The following LRRK1 variants were observed in gnomAD, a reference collection of about 807,000 sequenced individuals.
LRRK1 encodes leucine-rich repeat serine/threonine-protein kinase 1.
A neutral mutation model predicts 209.1 loss-of-function variants in LRRK1; 113 were observed. The ratio of observed to expected loss-of-function variants is 0.54; its 90% confidence interval spans 0.46 to 0.63. The LOEUF (loss-of-function observed/expected upper bound fraction) is 0.63. LRRK1 is among the 30% of genes least tolerant of loss of function. LRRK1 has a pLI of 0.00. For missense variants in LRRK1, 2,284 were observed against 2,632.2 expected, an observed-to-expected ratio of 0.87 and a Z score of 2.89; for synonymous variants, 1,144 against 1,099.7, an observed-to-expected ratio of 1.04 and a Z score of -0.80.
chr15:101,042,468 T>C (rs2034812222), intron 20 of LRRK1, among the ~76,000 whole-genome samples: 1 of 152,134 alleles, frequency 6.6e-6, no homozygotes, highest in South Asian at 2.1e-4. Flanking sequence ...CCTGCTCTGC[T>C]GCAGCCCAGG....
chr15:100,988,860 C>T (rs77671020), intron 5 of LRRK1, 47 bp downstream of exon 5: 1 of 1,469,456 alleles, frequency 6.8e-7, no homozygotes, highest in African/African-American at 1.4e-5. Context: ...TGCAAACCAT[C>T]TCAGCCTCCA....
intron 2 of LRRK1, among the ~76,000 whole-genome samples, chr15:100,941,430 G>GTCTC (rs2042424225): frequency 8.2e-6 from 1 of 121,728 alleles, no homozygotes; most frequent in Non-Finnish European, 1.7e-5. Context: ...GTGTGTGTCT[G>GTCTC]TGTGTGTGTG....
chr15:100,956,444 CTTTTTTTTTTCTT>C (rs2042759202), intron 2 of LRRK1, among the ~76,000 whole-genome samples: 5 of 71,752 alleles, frequency 7.0e-5, no homozygotes, highest in Non-Finnish European at 7.6e-5. Context: ...CTTTTCTTTC[CTTTTTTTTTTCTT>C]TTTTTTTTTT....
intron 2 of LRRK1, among the ~76,000 whole-genome samples, chr15:100,972,363 AGTGTGT>A (rs139709615): frequency 4.0e-3 from 397 of 98,444 alleles, no homozygotes; most frequent in African/African-American, 7.0e-3. Context: ...AGAGAGAGAG[AGTGTGT>A]GTGTGTGTGT....
chr15:101,050,453 A>G (rs2035350959), intron 23 of LRRK1, among the ~76,000 whole-genome samples: 1 of 152,038 alleles, frequency 6.6e-6, no homozygotes, highest in Admixed American at 6.5e-5. Flanking sequence ...CAGCTGTGGG[A>G]GGGGCTGCCC....
Position 101,029,121 on chromosome 15 carries a change from C to T in LRRK1, c.2852C>T (p.Ala951Val), listed in dbSNP as rs746639649. Residue 951 changes from alanine (A) to valine (V), a missense_variant, in exon 20 of 34, where the codon GCA becomes GTA. Physicochemically the swap from Ala to Val is moderately conservative, Grantham distance 64. Coordinates refer to ENST00000388948, the MANE Select transcript of LRRK1 (RefSeq NM_024652.6). Reference sequence around the variant, plus strand: ...GTGGCCAAGAATGGGGTGATCAGAGCAGAAGACCTCAGGATGCTGCTGGTG... The same window carrying T: ...GTGGCCAAGAATGGGGTGATCAGAGTAGAAGACCTCAGGATGCTGCTGGTG... The part of the protein sequence containing the change: ...RSVAKNGVIR[A>V]EDLRMLLVGT... 3 of 1,614,184 alleles carry T rather than the reference C, an allele frequency of 1.9e-6. No homozygotes were observed. The highest frequency in any genetic ancestry group is 1.7e-6 in the Non-Finnish European group (2 of 1,180,034).
chr15:100,941,454 GTCTATGTCTC>G (rs1388381387), intron 2 of LRRK1, among the ~76,000 whole-genome samples: 9 of 88,058 alleles, frequency 1.0e-4, no homozygotes, highest in South Asian at 3.8e-4. Flanking sequence ...GTCTGTGTGT[GTCTATGTCTC>G]TGTGTGTGTG....
At chr15:101,068,566 T>C in intron 33 of LRRK1, 105 bp from the exon 34 acceptor site, 1 of 1,234,458 alleles carries the variant, frequency 8.1e-7, no homozygotes, top group Non-Finnish European at 1.1e-6. Flanking sequence ...CACACTCCCC[T>C]GCCCTTAGCC....
intron 20 of LRRK1, chr15:101,043,766 A>G (rs2034897008): frequency 6.6e-6 from 1 of 152,260 alleles, no homozygotes; most frequent in South Asian, 2.0e-4. Context: ...AATGGGTATA[A>G]TATAATTACC....
At chr15:100,941,884 C>A (rs535835290) in intron 2 of LRRK1, among the ~76,000 whole-genome samples, 4 of 152,268 alleles carry the variant, frequency 2.6e-5, no homozygotes, top group African/African-American at 7.2e-5. Flanking sequence ...GGAGTCTGCC[C>A]ACTATGGCTC....
intron 2 of LRRK1, among the ~76,000 whole-genome samples, chr15:100,953,082 G>A (rs2042687209): frequency 6.6e-6 from 1 of 152,146 alleles, no homozygotes. Flanking sequence ...GCATAATCAA[G>A]TTAATGAACA....
intron 30 of LRRK1, among the ~76,000 whole-genome samples, chr15:101,061,551 G>A (rs1296772042): frequency 6.6e-6 from 1 of 152,242 alleles, no homozygotes; most frequent in South Asian, 2.1e-4. Flanking sequence ...ACCCTCAGCA[G>A]GAGACGAGAC....
Position 101,027,485 on chromosome 15 carries a change from G to T in LRRK1, c.2526+104G>T, listed in dbSNP as rs1596294592. Reference sequence around the variant, plus strand: ...GTGAAGCCCATGTCTGTGTGGCAAGGCTCGGTGGTTCCTGGTGAGGGAGGG... The same window carrying T: ...GTGAAGCCCATGTCTGTGTGGCAAGTCTCGGTGGTTCCTGGTGAGGGAGGG... On this transcript the variant is annotated intron_variant, in intron 18 of 33. Coordinates refer to ENST00000388948, the MANE Select transcript of LRRK1 (RefSeq NM_024652.6). The surrounding 1 kb of genome is among the most constrained non-coding windows in gnomAD (Gnocchi z 5.1). 2 of 1,528,722 alleles carry T rather than the reference G, an allele frequency of 1.3e-6. No homozygotes were observed. Among genetic ancestry groups the T allele is most frequent in the Admixed American group, 1.9e-5 (1 of 51,572 alleles). 94.7% of individuals were successfully genotyped at this position (1,528,722 alleles called of 1,614,324 possible).
At chr15:101,038,683 A>T (rs1015940666) in intron 20 of LRRK1, among the ~76,000 whole-genome samples, 1 of 152,148 alleles carries the variant, frequency 6.6e-6, no homozygotes, top group Non-Finnish European at 1.5e-5. Flanking sequence ...TTTTCTGTTG[A>T]ATTCCAGTGT....
At chr15:100,937,155 T>C (rs2042313660) in intron 2 of LRRK1, among the ~76,000 whole-genome samples, 1 of 152,244 alleles carries the variant, frequency 6.6e-6, no homozygotes, top group African/African-American at 2.4e-5. Flanking sequence ...CCATTTAATC[T>C]AGATTTTCGA....
intron 2 of LRRK1, among the ~76,000 whole-genome samples, chr15:100,937,761 TCCTGAC>T (rs1230372207): frequency 6.6e-6 from 1 of 152,002 alleles, no homozygotes; most frequent in Non-Finnish European, 1.5e-5. Context: ...GGTCTCGATC[TCCTGAC>T]CTCGTGATCC....
At chr15:100,933,821 CAAAAAAAAAAAAAAAAAAAA>C (rs67129854) in intron 2 of LRRK1, among the ~76,000 whole-genome samples, 2 of 42,832 alleles carry the variant, frequency 4.7e-5, no homozygotes, top group African/African-American at 1.9e-4. Flanking sequence ...GACTCCATCT[CAAAAAAAAAAAAAAAAAAAA>C]AAAAAAAAAA....
intron 2 of LRRK1, among the ~76,000 whole-genome samples, chr15:100,926,680 CTTTTTTTTTTT>C (rs71151990): frequency 4.9e-5 from 4 of 81,846 alleles, no homozygotes; most frequent in African/African-American, 1.6e-4. Context: ...TTCTTTTTTT[CTTTTTTTTTTT>C]TTTTTTTTTT....
At chr15:101,010,946 C>T (rs573025524) in intron 9 of LRRK1, 109 bp downstream of exon 9, 10 of 953,808 alleles carry the variant, frequency 1.0e-5, no homozygotes, top group African/African-American at 5.0e-5. Flanking sequence ...GCAGCGAAGC[C>T]GGGTAGAAGG....
Sources: gnomAD v4.1 joint callset for allele counts (sites outside exome capture counted in the v4.1 genomes callset) on GRCh38, gnomAD v4.1.1 for gene constraint, Gnocchi (gnomAD v3.1) non-coding constraint, MANE v1.5 for transcripts, NCBI Gene and HGNC (gene_info 2026-07-23, HGNC 2026-07-21) for gene names.